The following ADGRL2 variants were observed in gnomAD, a reference collection of about 807,000 sequenced individuals.
The protein encoded by ADGRL2 is adhesion G protein-coupled receptor L2.
A neutral mutation model predicts 157.4 loss-of-function variants in ADGRL2; 44 were observed. The ratio of observed to expected loss-of-function variants is 0.28; its 90% confidence interval spans 0.22 to 0.36. The LOEUF (loss-of-function observed/expected upper bound fraction) is 0.36, where lower values mean the gene tolerates loss of function less well. Ranked by LOEUF, ADGRL2 falls within the 10% of genes least tolerant of loss-of-function variation. ADGRL2 has a pLI of 1.00. For missense variants in ADGRL2, 1,510 were observed against 1,768.9 expected, an observed-to-expected ratio of 0.85 and a Z score of 2.63; for synonymous variants, 585 against 624.7, an observed-to-expected ratio of 0.94 and a Z score of 0.95.
At chr1:81,470,408 C>T (rs1300300220) in intron 2 of ADGRL2, among the ~76,000 whole-genome samples, 2 of 152,138 alleles carry the variant, frequency 1.3e-5, no homozygotes, top group Non-Finnish European at 2.9e-5. Flanking sequence ...AGATTCTACC[C>T]CCAACTGCTC....
intron 3 of ADGRL2, among the ~76,000 whole-genome samples, chr1:81,655,064 C>T (rs895772854): frequency 6.6e-6 from 1 of 152,272 alleles, no homozygotes; most frequent in South Asian, 2.1e-4. Flanking sequence ...CGCCCCCCTG[C>T]GATGGGGGTC....
intron 1 of ADGRL2, among the ~76,000 whole-genome samples, chr1:81,820,984 C>G (rs1057292157): frequency 6.6e-6 from 1 of 152,010 alleles, no homozygotes; most frequent in African/African-American, 2.4e-5. Context: ...AGTAGAGGAT[C>G]CTTGTCAGAA....
In ADGRL2 at chr1:81,970,395, C is replaced by A; in HGVS notation, c.2815C>A (p.Leu939Ile). ...FAWMCLEGVQ[L>I]YLMLVEVFES... ...TTGGATGTGCCTAGAAGGTGTGCAG[C>A]TCTACCTAATGTTAGTTGAAGTTTT... Residue 939 changes from leucine (L) to isoleucine (I), a missense_variant, in exon 16 of 24, where the codon CTC becomes ATC. Leu to Ile is a conservative substitution (Grantham distance 5). Transcript: ENST00000686636. 6.3e-7 allele frequency: 1 copy of A among 1,581,648 alleles called. No homozygotes were observed. Among genetic ancestry groups the A allele is most frequent in the African/African-American group, 1.4e-5 (1 of 72,502 alleles).
At position 81,943,114 on chromosome 1, in the gene ADGRL2, T is replaced by C. The variant is rs1648652508; in HGVS notation, c.555T>C (p.Asp185=). 6.2e-7 allele frequency: 1 copy of C among 1,613,550 alleles called. No homozygotes were observed. The highest frequency in any genetic ancestry group is 1.1e-5 in the South Asian group (1 of 91,072). Residue 185 remains aspartate (D), a synonymous_variant, in exon 6 of 24, where the codon GAT becomes GAC. Transcript: ENST00000686636. This position sits in a 1 kb window ranked among gnomAD's most constrained non-coding sequence, Gnocchi z 5.6. ...YFMPWTPYRT[D]TLIEYASLED... ...TGCCCTGGACTCCCTATCGTACCGA[T>C]ACTTTAATAGAATATGCTTCTTTAG...
intron 2 of ADGRL2, among the ~76,000 whole-genome samples, chr1:81,871,858 A>G (rs532508525): frequency 1.3e-5 from 2 of 152,146 alleles, no homozygotes; most frequent in African/African-American, 2.4e-5. Context: ...TAGATTGCAA[A>G]AATTTTCTCC....
chr1:81,673,425 G>C (rs746916409), intron 3 of ADGRL2, among the ~76,000 whole-genome samples: 34 of 151,034 alleles, frequency 2.3e-4, no homozygotes, highest in South Asian at 8.4e-4. Context: ...GTGCATATTT[G>C]CTAATATGGT....
At chr1:81,619,366 C>T (rs966143416) in intron 3 of ADGRL2, among the ~76,000 whole-genome samples, 7 of 151,952 alleles carry the variant, frequency 4.6e-5, no homozygotes, top group Non-Finnish European at 8.8e-5. Context: ...GGAGATTTCC[C>T]TATTCACCAA....
chr1:81,542,597 A>T (rs193021984), intron 2 of ADGRL2, among the ~76,000 whole-genome samples: 4 of 152,330 alleles, frequency 2.6e-5, no homozygotes, highest in Admixed American at 2.6e-4. Flanking sequence ...TTTGCAAGAC[A>T]TTTTCAGAAT....
chr1:81,600,535 C>CAA (rs2081314768), intron 3 of ADGRL2, among the ~76,000 whole-genome samples: 1 of 152,174 alleles, frequency 6.6e-6, no homozygotes, highest in Admixed American at 6.5e-5. Flanking sequence ...AGCAGCAGGG[C>CAA]AAATTGCTGC....
chr1:81,619,696 T>C (rs2081745982), intron 3 of ADGRL2, among the ~76,000 whole-genome samples: 1 of 151,548 alleles, frequency 6.6e-6, no homozygotes, highest in South Asian at 2.1e-4. Context: ...ATTATTTCTA[T>C]AAATTAAGTC....
chr1:81,767,093 G>A (rs564596102), intron 2 of ADGRL2, among the ~76,000 whole-genome samples: 1 of 152,128 alleles, frequency 6.6e-6, no homozygotes, highest in East Asian at 1.9e-4. Context: ...GCAACAATAT[G>A]TAAATAGAAA....
intron 2 of ADGRL2, among the ~76,000 whole-genome samples, chr1:81,898,696 A>G (rs181142335): frequency 6.4e-4 from 97 of 152,270 alleles, no homozygotes; most frequent in African/African-American, 2.2e-3. Context: ...TGAGTGAAAA[A>G]GTTGGACTAT....
chr1:81,956,612 C>A lies in ADGRL2; in HGVS notation c.2017+552C>A, dbSNP rs1653583135. 3.3e-5 allele frequency among the ~76,000 whole-genome samples: 5 copies of A among 152,080 alleles called. No individual in the cohort carries two copies. The South Asian group carries it at 1.0e-3, about 32-fold the overall frequency. On this transcript the variant is annotated intron_variant, in intron 11 of 23. Coordinates refer to ENST00000686636, the MANE Select transcript of ADGRL2 (RefSeq NM_001366006.2). Reference sequence around the variant, plus strand: ...TAGTGTTGAAGCATAATTTAGAATTCAAATGCTACCACTGAGAGGTAGGAA... The same window carrying A: ...TAGTGTTGAAGCATAATTTAGAATTAAAATGCTACCACTGAGAGGTAGGAA...
At chr1:81,427,421 A>G (rs199507294) in intron 1 of ADGRL2, 7 of 749,044 alleles carry the variant, frequency 9.3e-6, no homozygotes, top group Non-Finnish European at 1.5e-5. Flanking sequence ...TGATGGTTGC[A>G]ATGGAGGAAA....
intron 2 of ADGRL2, among the ~76,000 whole-genome samples, chr1:81,571,557 TGTTAA>T (rs1465324512): frequency 6.6e-6 from 1 of 151,494 alleles, no homozygotes; most frequent in Non-Finnish European, 1.5e-5. Flanking sequence ...GACAGAATGA[TGTTAA>T]GTTGTTTGTC....
chr1:81,845,403 A>C (rs1412522920), intron 2 of ADGRL2, among the ~76,000 whole-genome samples: 3 of 151,978 alleles, frequency 2.0e-5, no homozygotes, highest in African/African-American at 7.2e-5. Flanking sequence ...ACATCTTTCA[A>C]ATTGGCTTTT....
intron 1 of ADGRL2, among the ~76,000 whole-genome samples, chr1:81,379,429 G>A (rs2076306164): frequency 6.6e-6 from 1 of 152,168 alleles, no homozygotes; most frequent in African/African-American, 2.4e-5. Flanking sequence ...TTATCACAAG[G>A]AGAGAGAGAT....
chr1:81,542,684 T>C (rs947337664), intron 2 of ADGRL2, among the ~76,000 whole-genome samples: 1 of 152,216 alleles, frequency 6.6e-6, no homozygotes, highest in Admixed American at 6.5e-5. Context: ...GTGGCTATTA[T>C]TTTGATTATC....
chr1:81,363,171 G>A, intron 1 of ADGRL2, among the ~76,000 whole-genome samples: 1 of 151,910 alleles, frequency 6.6e-6, no homozygotes, highest in Non-Finnish European at 1.5e-5. Context: ...ACAAAAAGAA[G>A]ACTTAAAATT....
Sources: gnomAD v4.1 joint callset for allele counts (sites outside exome capture counted in the v4.1 genomes callset) on GRCh38, gnomAD v4.1.1 for gene constraint, Gnocchi (gnomAD v3.1) non-coding constraint, MANE v1.5 for transcripts, NCBI Gene and HGNC (gene_info 2026-07-23, HGNC 2026-07-21) for gene names.